ABCE1: variants seen among roughly 807,000 people sequenced by gnomAD.
ABCE1 encodes the protein ATP binding cassette subfamily E member 1, also known as ATP-binding cassette sub-family E member 1.
A neutral mutation model predicts 83.4 loss-of-function variants in ABCE1; 22 were observed. That is an observed-to-expected ratio of 0.26 (90% CI 0.19 to 0.38). ABCE1 has a LOEUF of 0.38. ABCE1 is among the 10% of genes least tolerant of loss of function. The pLI, the probability that ABCE1 is intolerant of heterozygous loss-of-function variation, is 1.00. For missense variants in ABCE1, 330 were observed against 721.9 expected (o/e 0.46, Z 6.22); for synonymous variants, 204 against 233.7 (o/e 0.87, Z 1.16).
In ABCE1 at chr4:145,128,780, C is replaced by CT. The variant is rs1749961248; in HGVS notation, c.*1210dup. The CT allele has an allele frequency of 6.6e-6, 1 of 152,156 alleles. No homozygotes were observed. The highest frequency in any genetic ancestry group is 6.5e-5 in the Admixed American group (1 of 15,280). 9.4% of individuals were successfully genotyped at this position (152,156 alleles called of 1,614,324 possible). A position where few individuals can be genotyped will look rare whatever the true frequency, so the allele number is the denominator to read the frequency against. ...AGGAAATTAGAAACTGTTTGACAAA[C>CT]TTTAAGAGCTACTTGAAATAACAGA... On this transcript the variant is annotated 3_prime_UTR_variant, in exon 18 of 18. Transcript: ENST00000296577.
At chr4:145,103,908 C>G (rs1749223155) in intron 1 of ABCE1, among the ~76,000 whole-genome samples, 1 of 151,820 alleles carries the variant, frequency 6.6e-6, no homozygotes. Flanking sequence ...ACCGCAGGCG[C>G]ACACCACCAC....
intron 9 of ABCE1, among the ~76,000 whole-genome samples, chr4:145,113,112 C>T (rs929310011): frequency 1.3e-5 from 2 of 152,094 alleles, no homozygotes; most frequent in African/African-American, 4.8e-5. Flanking sequence ...AGTAATAGGA[C>T]CAGATGTTGA....
intron 16 of ABCE1, 134 bp from the exon 17 acceptor site, chr4:145,124,856 T>C: frequency 1.6e-6 from 1 of 614,832 alleles, no homozygotes; most frequent in Non-Finnish European, 2.9e-6. Flanking sequence ...AATATGCTGT[T>C]ATTATACTGT....
At chr4:145,106,273 T>C (rs1009132810) in intron 3 of ABCE1, among the ~76,000 whole-genome samples, 4 of 152,014 alleles carry the variant, frequency 2.6e-5, no homozygotes, top group African/African-American at 7.2e-5. Context: ...TTTGTAGATA[T>C]TATAAAAAGG....
At chr4:145,108,392 A>G (rs35278629) in intron 4 of ABCE1, among the ~76,000 whole-genome samples, 27 of 152,336 alleles carry the variant, frequency 1.8e-4, no homozygotes, top group African/African-American at 6.5e-4. Flanking sequence ...AAAAAGTCCC[A>G]GGTGACTCTA....
chr4:145,110,043 A>C, intron 5 of ABCE1, 60 bp from the exon 6 acceptor site: 1 of 1,402,732 alleles, frequency 7.1e-7, no homozygotes, highest in Non-Finnish European at 9.6e-7. Context: ...TGTAGCATTC[A>C]TCCTCTTTGT....
At chr4:145,099,643 ACT>A (rs1749065945) in intron 1 of ABCE1, among the ~76,000 whole-genome samples, 1 of 152,168 alleles carries the variant, frequency 6.6e-6, no homozygotes, top group African/African-American at 2.4e-5. Flanking sequence ...TAAACTTAAA[ACT>A]CTTTGAAATC....
chr4:145,105,585 T>G lies in ABCE1; in HGVS notation c.104-20T>G. On this transcript the variant is annotated intron_variant, in intron 2 of 17. Coordinates refer to ENST00000296577, the MANE Select transcript of ABCE1 (RefSeq NM_002940.3). ...AGAAGATCAAAGGAAATGGCTTAAT[T>G]ATATCTTTTCCTTTACCAGGAAAAT... 1.3e-6 allele frequency: 2 copies of G among 1,539,524 alleles called. No individual in the cohort carries two copies. The highest frequency in any genetic ancestry group is 1.8e-6 in the Non-Finnish European group (2 of 1,119,644).
chr4:145,122,100 A>G (rs1749762790), intron 13 of ABCE1: 1 of 152,238 alleles, frequency 6.6e-6, no homozygotes, highest in Non-Finnish European at 1.5e-5. Context: ...TTATTCAGCC[A>G]TAAAAAGAAA....
intron 10 of ABCE1, among the ~76,000 whole-genome samples, 177 bp downstream of exon 10, chr4:145,117,591 A>AT (rs1382694805): frequency 6.6e-6 from 1 of 151,744 alleles, no homozygotes; most frequent in Non-Finnish European, 1.5e-5. Flanking sequence ...TACAAAATAT[A>AT]TTTTTTTCAT....
chr4:145,110,823 G>T (rs575697626), intron 7 of ABCE1, 145 bp from the exon 8 acceptor site: 7 of 591,376 alleles, frequency 1.2e-5, no homozygotes, highest in Non-Finnish European at 2.1e-5. Flanking sequence ...ATCTTTATGT[G>T]GATTACTGAA....
At chr4:145,118,350 G>C (rs547585769) in intron 10 of ABCE1, among the ~76,000 whole-genome samples, 2 of 150,086 alleles carry the variant, frequency 1.3e-5, no homozygotes, top group East Asian at 3.9e-4. Flanking sequence ...TTCATAAAAA[G>C]ATATTGGGAG....
intron 13 of ABCE1, chr4:145,122,403 T>A (rs953921691): frequency 6.6e-6 from 1 of 152,260 alleles, no homozygotes; most frequent in African/African-American, 2.4e-5. Flanking sequence ...GGTTGCTTGA[T>A]ACCCACTTTG....
intron 12 of ABCE1, 21 bp from the exon 13 acceptor site, chr4:145,121,312 A>G (rs764828493): frequency 6.2e-7 from 1 of 1,612,706 alleles, no homozygotes; most frequent in Non-Finnish European, 8.5e-7. Flanking sequence ...TTAGTGTCTT[A>G]TGTATTTCAT....
At chr4:145,120,342 A>G (rs564013236) in intron 11 of ABCE1, among the ~76,000 whole-genome samples, 189 bp downstream of exon 11, 3 of 152,112 alleles carry the variant, frequency 2.0e-5, no homozygotes, top group Non-Finnish European at 4.4e-5. Context: ...CTGTAATTCA[A>G]TCAGGTTAAT....
intron 5 of ABCE1, among the ~76,000 whole-genome samples, chr4:145,109,828 A>G (rs899624305): frequency 2.0e-5 from 3 of 152,214 alleles, no homozygotes; most frequent in African/African-American, 7.2e-5. Context: ...TGAAAATATG[A>G]GCAGGAAACA....
At position 145,104,477 on chromosome 4, in the gene ABCE1, G is replaced by A. The variant is rs779884509; in HGVS notation, c.65G>A (p.Arg22Gln). 12 of 1,602,244 alleles carry A rather than the reference G, an allele frequency of 7.5e-6. No homozygotes were observed. Among genetic ancestry groups the A allele is most frequent in the African/African-American group, 2.7e-5 (2 of 74,216 alleles). ...NHDKCKPKKC[R>Q]QECKKSCPVV... ...GACAAATGTAAACCTAAGAAATGTC[G>A]ACAGGAATGCAAAAAGAGTTGTCCT... The change falls in exon 2 of 18, where the codon CGA becomes CAA. Residue 22 changes from arginine to glutamine, a missense_variant. Transcript: ENST00000296577.
chr4:145,106,984 G>T (rs971077890), intron 3 of ABCE1, among the ~76,000 whole-genome samples: 5 of 152,044 alleles, frequency 3.3e-5, no homozygotes, highest in African/African-American at 9.7e-5. Context: ...CATGTCTGCT[G>T]AACAGATCTC....
chr4:145,114,745 T>C (rs978860812), intron 9 of ABCE1, among the ~76,000 whole-genome samples: 1 of 151,952 alleles, frequency 6.6e-6, no homozygotes. Flanking sequence ...ACTTTAATTG[T>C]AATAGGGATA....
Sources: gnomAD v4.1 joint callset for allele counts (sites outside exome capture counted in the v4.1 genomes callset) on GRCh38, gnomAD v4.1.1 for gene constraint, MANE v1.5 for transcripts, NCBI Gene and HGNC (gene_info 2026-07-23, HGNC 2026-07-21) for gene names.